Variants in ALDH4A1 observed in about 807,000 individuals in gnomAD.
ALDH4A1 encodes the protein delta-1-pyrroline-5-carboxylate dehydrogenase, mitochondrial.
In ALDH4A1, 46 loss-of-function variants were observed where a neutral mutation model predicts 70.5. That is an observed-to-expected ratio of 0.65 (90% CI 0.51 to 0.83). The LOEUF is 0.83. Among genes scored for constraint, ALDH4A1 ranks in the 40% least tolerant of loss-of-function variants. ALDH4A1 has a pLI of 0.00. For missense variants in ALDH4A1, 749 were observed against 766.5 expected (o/e 0.98, Z 0.27); for synonymous variants, 323 against 324.3 (o/e 1.00, Z 0.04).
intron 5 of ALDH4A1, among the ~76,000 whole-genome samples, chr1:18,884,709 C>A (rs1394229680): frequency 6.6e-6 from 1 of 152,186 alleles, no homozygotes; most frequent in African/African-American, 2.4e-5. Flanking sequence ...TCAATACACT[C>A]CAGTGCAATC....
rs745470445 is a variant in ALDH4A1, at chr1:18,876,309, A to C, written c.1338+6T>G. ...CTCTGGACCCCAGGCTGCCCACCCC[A>C]GTCACCTCCTTCATGATGGGCTCCT... On this transcript the variant is annotated splice_donor_region_variant and intron_variant, in intron 12 of 14. Transcript: ENST00000375341. 1 of 1,613,528 alleles carries C rather than the reference A, an allele frequency of 6.2e-7. No homozygotes were observed. Among genetic ancestry groups the C allele is most frequent in the East Asian group, 2.2e-5 (1 of 44,862 alleles).
chr1:18,902,491 G>C lies in ALDH4A1; in HGVS notation c.33C>G (p.Ala11=). 1 of 1,476,376 alleles carries C rather than the reference G, an allele frequency of 6.8e-7. No individual in the cohort carries two copies. The highest frequency in any genetic ancestry group is 9.0e-7 in the Non-Finnish European group (1 of 1,114,124). The allele number at this position is 1,476,376 out of a possible 1,614,324, so 91.5% of individuals were successfully genotyped here. The change falls in exon 1 of 15, where the codon GCC becomes GCG. Residue 11 remains alanine, a synonymous_variant. Coordinates refer to ENST00000375341, the MANE Select transcript of ALDH4A1 (RefSeq NM_003748.4). MLLPAPALRR[A]LLSRPWTGAG... Reference sequence around the variant, plus strand: ...CCCCGGTCCAGGGGCGGGACAGCAGGGCGCGGCGGAGCGCGGGCGCCGGCA... The same window carrying C: ...CCCCGGTCCAGGGGCGGGACAGCAGCGCGCGGCGGAGCGCGGGCGCCGGCA...
chr1:18,879,270 C>T (rs745652252), intron 9 of ALDH4A1, 30 bp downstream of exon 9: 3 of 1,585,872 alleles, frequency 1.9e-6, no homozygotes, highest in East Asian at 4.6e-5. Flanking sequence ...CCTGGGGCCA[C>T]ACGGGAGGAG....
chr1:18,881,356 A>G (rs1209740962), intron 8 of ALDH4A1, among the ~76,000 whole-genome samples: 2 of 152,176 alleles, frequency 1.3e-5, no homozygotes, highest in Non-Finnish European at 2.9e-5. Flanking sequence ...TGACTCCTCC[A>G]GTTCATTCTG....
chr1:18,896,339 G>T (rs1193053330), intron 1 of ALDH4A1, among the ~76,000 whole-genome samples: 1 of 152,156 alleles, frequency 6.6e-6, no homozygotes, highest in Non-Finnish European at 1.5e-5. Flanking sequence ...AGGCCCCCAG[G>T]ACTGGACTCC....
intron 7 of ALDH4A1, chr1:18,882,672 G>A (rs1407413464): frequency 1.8e-6 from 1 of 545,934 alleles, no homozygotes; most frequent in East Asian, 5.3e-5. Context: ...CCCTCTCGAA[G>A]CTGCTGAGAG....
In ALDH4A1 at chr1:18,883,351, C is replaced by T. The variant is rs138847454; in HGVS notation, c.531G>A (p.Ala177=). The T allele has an allele frequency of 5.6e-6, 9 of 1,613,338 alleles. No individual in the cohort carries two copies. Among genetic ancestry groups the T allele is most frequent in the East Asian group, 2.2e-5 (1 of 44,896 alleles). ...TGGGCTGCTGCCCCTCCAGCTCCAC[C>T]GCATACTTGGCATTGAACCGGAAGA... ...IDFFRFNAKY[A]VELEGQQPIS... is the part of the protein sequence containing the mutation. Residue 177 remains alanine (A), a synonymous_variant, in exon 6 of 15, where the codon GCG becomes GCA. Transcript: ENST00000375341.
rs1358152934 is a variant in ALDH4A1, at chr1:18,874,585, C to T, written c.1461-4G>A. On this transcript the variant is annotated splice_polypyrimidine_tract_variant and splice_region_variant and intron_variant, in intron 13 of 14. Transcript: ENST00000375341. ...TGTGGCCTCCTGCACGACGTCCCTA[C>T]AAAGCAGAGCAGTGGTGACAGAGCA... The T allele has an allele frequency of 6.2e-7, 1 of 1,614,152 alleles. No individual in the cohort carries two copies. The highest frequency in any genetic ancestry group is 8.5e-7 in the Non-Finnish European group (1 of 1,179,984).
At chr1:18,879,408 G>C (rs1207361081) in intron 8 of ALDH4A1, 35 bp from the exon 9 acceptor site, 1 of 1,587,114 alleles carries the variant, frequency 6.3e-7, no homozygotes, top group Non-Finnish European at 8.6e-7. Context: ...GGTTCAGGGA[G>C]CCAGGCCAGA....
chr1:18,876,474 T>C lies in ALDH4A1; in HGVS notation c.1186-7A>G, dbSNP rs1429099624. ...TCTTGATACGGGCAAAGGACTGGGG[T>C]GGGCAGGGAGGAGGGAGGTCTAAGA... On this transcript the variant is annotated splice_region_variant and splice_polypyrimidine_tract_variant and intron_variant, in intron 11 of 14. Coordinates refer to ENST00000375341, the MANE Select transcript of ALDH4A1 (RefSeq NM_003748.4). 1 of 1,581,866 alleles carries C rather than the reference T, an allele frequency of 6.3e-7. No homozygotes were observed. The highest frequency in any genetic ancestry group is 8.6e-7 in the Non-Finnish European group (1 of 1,167,560).
chr1:18,900,538 G>A (rs1428014493), intron 1 of ALDH4A1, among the ~76,000 whole-genome samples: 5 of 152,234 alleles, frequency 3.3e-5, no homozygotes, highest in Non-Finnish European at 7.4e-5. Flanking sequence ...TGTCAGGGCC[G>A]GGGGTGCCCC....
intron 14 of ALDH4A1, among the ~76,000 whole-genome samples, chr1:18,873,642 C>A: frequency 6.6e-6 from 1 of 152,174 alleles, no homozygotes; most frequent in Admixed American, 6.5e-5. Context: ...GTCCACATGC[C>A]AAGGGGGTGG....
Position 18,879,302 on chromosome 1 carries a change from C to A in ALDH4A1, c.938G>T (p.Gly313Val). The change falls in exon 9 of 15, where the codon GGA (glycine) becomes GTA (valine). Residue 313 changes from glycine to valine, a missense_variant and splice_region_variant. Physicochemically the swap from Gly to Val is moderately radical, Grantham distance 109. Transcript: ENST00000375341. ...GGAGGAGGTGAGGCAGGCCTTACCT[C>A]CAGCCAGGCGTGGGAAGGTGTGGAA... is the stretch of plus-strand genomic sequence containing the variant. ...DRFHTFPRLA[G>V]ECGGKNFHFV... 6.2e-7 allele frequency: 1 copy of A among 1,607,688 alleles called. No individual in the cohort carries two copies. The highest frequency in any genetic ancestry group is 8.5e-7 in the Non-Finnish European group (1 of 1,177,248).
intron 9 of ALDH4A1, 119 bp from the exon 10 acceptor site, chr1:18,877,731 A>G (rs1934779869): frequency 7.9e-7 from 1 of 1,266,180 alleles, no homozygotes; most frequent in Non-Finnish European, 1.1e-6. Context: ...GGAGCAGCCC[A>G]GAGCGGGCGG....
intron 1 of ALDH4A1, among the ~76,000 whole-genome samples, chr1:18,891,515 TAGGGAACCAC>T (rs1288240952): frequency 6.6e-6 from 1 of 151,938 alleles, no homozygotes; most frequent in Non-Finnish European, 1.5e-5. Flanking sequence ...ACACACAGCG[TAGGGAACCAC>T]AGGGCATCTC....
chr1:18,901,733 G>A (rs1323708135), intron 1 of ALDH4A1, among the ~76,000 whole-genome samples: 1 of 152,238 alleles, frequency 6.6e-6, no homozygotes, highest in Non-Finnish European at 1.5e-5. Context: ...GATGATGATC[G>A]TGGCAATAAT....
chr1:18,893,513 T>TC (rs953509641), intron 1 of ALDH4A1, among the ~76,000 whole-genome samples: 2 of 152,064 alleles, frequency 1.3e-5, no homozygotes, highest in Non-Finnish European at 2.9e-5. Context: ...CTTTTTTTTT[T>TC]CTTTTTTGAG....
Position 18,872,783 on chromosome 1 carries a change from C to A in ALDH4A1, c.*62G>T. Reference sequence around the variant, plus strand: ...AGGGGTGGAGGGGCTGGAGTGGGGTCTGTGCAGTGAGGTCGGCCACCTGGA... The same window carrying A: ...AGGGGTGGAGGGGCTGGAGTGGGGTATGTGCAGTGAGGTCGGCCACCTGGA... On this transcript the variant is annotated 3_prime_UTR_variant, in exon 15 of 15. Coordinates refer to ENST00000375341, the MANE Select transcript of ALDH4A1 (RefSeq NM_003748.4). The A allele has an allele frequency of 3.1e-6, 4 of 1,293,940 alleles. No homozygotes were observed. Among genetic ancestry groups the A allele is most frequent in the Non-Finnish European group, 3.3e-6 (3 of 898,974 alleles). The allele number at this position is 1,293,940 out of a possible 1,614,324, so 80.2% of individuals were successfully genotyped here.
rs544211563 is a variant in ALDH4A1 at position 18,876,362 on chromosome 1, G to A, written c.1291C>T (p.Pro431Ser). ...CDDSVGYFVE[P>S]CIVESKDPQE... ...GGGTCCTTGCTCTCCACGATGCAGG[G>A]CTCCACAAAGTAGCCCACGGAGTCA... Residue 431 changes from proline to serine, a missense_variant, in exon 12 of 15, where the codon CCC (proline) becomes TCC (serine). Coordinates refer to ENST00000375341, the MANE Select transcript of ALDH4A1 (RefSeq NM_003748.4). 8.1e-6 allele frequency: 13 copies of A among 1,613,926 alleles called. No individual in the cohort carries two copies. Among genetic ancestry groups the A allele is most frequent in the South Asian group, 6.6e-5 (6 of 91,070 alleles).
Sources: allele counts gnomAD v4.1 joint callset (sites outside exome capture counted in the v4.1 genomes callset), GRCh38; gene constraint gnomAD v4.1.1; transcripts MANE v1.5; gene names NCBI Gene and HGNC (gene_info 2026-07-23, HGNC 2026-07-21).